The following GBF1 variants were observed in gnomAD, a reference collection of about 807,000 sequenced individuals.
GBF1 encodes the protein golgi brefeldin A resistant guanine nucleotide exchange factor 1, also known as Golgi-specific brefeldin A-resistance guanine nucleotide exchange factor 1.
Under a neutral mutation model 210.5 loss-of-function variants are expected in GBF1, and 114 were observed. The observed-to-expected ratio is 0.54, with a 90% CI of 0.47 to 0.63. The LOEUF is 0.63. Ranked by LOEUF, GBF1 falls within the 30% of genes least tolerant of loss-of-function variation. The pLI, the probability that GBF1 is intolerant of heterozygous loss-of-function variation, is 0.00. For missense variants in GBF1, 1,851 were observed against 2,357.7 expected (o/e 0.79, Z 4.45); for synonymous variants, 850 against 889.2 (o/e 0.96, Z 0.78).
At chr10:102,324,341 T>G (rs576523031) in intron 3 of GBF1, among the ~76,000 whole-genome samples, 3 of 152,322 alleles carry the variant, frequency 2.0e-5, no homozygotes, top group Admixed American at 6.5e-5. Context: ...TCTTCCTAAC[T>G]GTAGGTTTAA....
chr10:102,316,788 G>A (rs1279646576), intron 3 of GBF1, among the ~76,000 whole-genome samples: 2 of 152,208 alleles, frequency 1.3e-5, no homozygotes, highest in Non-Finnish European at 2.9e-5. Flanking sequence ...CTGTAAGCAA[G>A]ACTTTGGATT....
At chr10:102,251,583 T>C (rs903681618) in intron 1 of GBF1, among the ~76,000 whole-genome samples, 3 of 152,102 alleles carry the variant, frequency 2.0e-5, no homozygotes, top group Non-Finnish European at 4.4e-5. Flanking sequence ...AGGCAGAGTC[T>C]CACTCTGTCA....
chr10:102,250,130 G>A (rs1027604220), intron 1 of GBF1, among the ~76,000 whole-genome samples: 20 of 152,284 alleles, frequency 1.3e-4, no homozygotes, highest in African/African-American at 4.8e-4. Flanking sequence ...TAGACACAAA[G>A]GCATCATGAA....
At chr10:102,265,019 G>T (rs895706505) in intron 3 of GBF1, among the ~76,000 whole-genome samples, 1 of 152,244 alleles carries the variant, frequency 6.6e-6, no homozygotes, top group Non-Finnish European at 1.5e-5. Context: ...GCTAGACCTT[G>T]TGGTAGGATC....
rs1431814124 is a variant in GBF1 at position 102,381,322 on chromosome 10, G to A, written c.5302+67G>A. On this transcript the variant is annotated intron_variant, in intron 39 of 39. Coordinates refer to ENST00000369983, the MANE Select transcript of GBF1 (RefSeq NM_001377137.1). ...GCAGGGGGCCTAAGAGGAGGCCCAA[G>A]GGGGCGTGGGAATGCTGCTGAGCAG... The A allele has an allele frequency of 2.2e-5, 34 of 1,531,834 alleles. No individual in the cohort carries two copies. The East Asian group carries it at 7.5e-4, about 34-fold the overall frequency. 94.9% of individuals were successfully genotyped at this position (1,531,834 alleles called of 1,614,324 possible).
chr10:102,263,456 T>C (rs2073475585), intron 3 of GBF1, among the ~76,000 whole-genome samples: 1 of 152,218 alleles, frequency 6.6e-6, no homozygotes, highest in South Asian at 2.1e-4. Context: ...GGTTTCTGTT[T>C]GCATTTTTCT....
intron 3 of GBF1, among the ~76,000 whole-genome samples, chr10:102,276,944 C>G (rs2075032318): frequency 6.6e-6 from 1 of 151,750 alleles, no homozygotes; most frequent in East Asian, 1.9e-4. Context: ...TAATAGGTCT[C>G]CCATATGTCC....
At chr10:102,271,272 C>T (rs920016442) in intron 3 of GBF1, among the ~76,000 whole-genome samples, 15 of 152,196 alleles carry the variant, frequency 9.9e-5, no homozygotes, top group African/African-American at 3.1e-4. Flanking sequence ...CTCCTGACCT[C>T]GTGATCTGCC....
chr10:102,307,416 G>T (rs151071784), intron 3 of GBF1, among the ~76,000 whole-genome samples: 29 of 147,760 alleles, frequency 2.0e-4, no homozygotes, highest in African/African-American at 7.0e-4. Flanking sequence ...AATTGTTATA[G>T]TGATGTTCAC....
intron 3 of GBF1, among the ~76,000 whole-genome samples, chr10:102,318,388 G>A (rs899509437): frequency 4.6e-5 from 7 of 151,450 alleles, no homozygotes; most frequent in Non-Finnish European, 7.4e-5. Context: ...ATGGGGTTTC[G>A]CCATGTTGCC....
chr10:102,345,552 C>T (rs2134626857), intron 4 of GBF1, among the ~76,000 whole-genome samples: 1 of 142,164 alleles, frequency 7.0e-6, no homozygotes, highest in East Asian at 2.1e-4. Flanking sequence ...GAGGCTGAGG[C>T]AGGAGAATCA....
At position 102,264,873 on chromosome 10, in the gene GBF1, G is replaced by C. The variant is rs184695508; in HGVS notation, c.163+4757G>C. Among the ~76,000 whole-genome samples the C allele has an allele frequency of 7.7e-4, 118 of 152,320 alleles. 1 individual carries two copies. The highest frequency in any genetic ancestry group is 1.7e-3 in the South Asian group (8 of 4,828). On this transcript the variant is annotated intron_variant, in intron 3 of 39. Transcript: ENST00000369983. ...CAGGGCTGGGGTGTCCTGGCCTTAG[G>C]GGCAGAAGGGCCACTGCCTCTCTCT...
intron 3 of GBF1, among the ~76,000 whole-genome samples, chr10:102,296,029 A>G (rs182329150): frequency 3.9e-5 from 6 of 152,336 alleles, no homozygotes; most frequent in African/African-American, 1.4e-4. Flanking sequence ...ATTTATTGCT[A>G]TTAAAAAAAT....
chr10:102,255,421 T>C (rs2072207649), intron 1 of GBF1, among the ~76,000 whole-genome samples: 1 of 152,214 alleles, frequency 6.6e-6, no homozygotes, highest in Admixed American at 6.5e-5. Context: ...CTAAAGGGCT[T>C]ATTCATTTTT....
chr10:102,351,057 A>T (rs1352675220), intron 4 of GBF1, among the ~76,000 whole-genome samples, 199 bp from the exon 5 acceptor site: 4 of 151,116 alleles, frequency 2.6e-5, no homozygotes, highest in African/African-American at 9.8e-5. Context: ...ATTGCACTCC[A>T]GCCTGGGCCA....
chr10:102,308,751 G>A (rs1468598971), intron 3 of GBF1, among the ~76,000 whole-genome samples: 7 of 151,646 alleles, frequency 4.6e-5, no homozygotes, highest in Admixed American at 3.9e-4. Context: ...GGGAGGGATA[G>A]CATTAGGAGA....
At chr10:102,279,234 A>G (rs2075273364) in intron 3 of GBF1, among the ~76,000 whole-genome samples, 2 of 152,244 alleles carry the variant, frequency 1.3e-5, no homozygotes. Context: ...GTTTGGCTCA[A>G]TGAGGCTTGA....
chr10:102,231,032 C>T, the GBF1 span: 1 of 1,596,566 alleles, frequency 6.3e-7, no homozygotes, highest in Non-Finnish European at 8.5e-7. Flanking sequence ...GCGAAGCTGC[C>T]TTTGCATAGC....
At chr10:102,237,208 C>T in the GBF1 span, among the ~76,000 whole-genome samples, 9 of 151,904 alleles carry the variant, frequency 5.9e-5, no homozygotes, top group South Asian at 6.2e-4. Flanking sequence ...AAAGATGGAC[C>T]GCATGGGTCT....
Sources: allele counts gnomAD v4.1 joint callset (sites outside exome capture counted in the v4.1 genomes callset), GRCh38; gene constraint gnomAD v4.1.1; transcripts MANE v1.5; gene names NCBI Gene and HGNC (gene_info 2026-07-23, HGNC 2026-07-21).